Variants in LRP6 observed in about 807,000 individuals in gnomAD.
LRP6 encodes the protein LDL receptor related protein 6, also known as low-density lipoprotein receptor-related protein 6.
LRP6 carries 43 observed loss-of-function variants against 184.1 expected under a neutral mutation model. The ratio of observed to expected loss-of-function variants is 0.23; its 90% CI spans 0.18 to 0.30. The LOEUF is 0.30. LRP6 is among the 10% of genes least tolerant of loss of function. The probability of loss-of-function intolerance (pLI) is 1.00; values close to 1 mark genes in which losing one functional copy is unlikely to be tolerated. For missense variants in LRP6, 1,571 were observed against 2,005.3 expected (o/e 0.78, Z 4.14); for synonymous variants, 719 against 684.9 (o/e 1.05, Z -0.78).
intron 2 of LRP6, among the ~76,000 whole-genome samples, chr12:12,216,953 T>C (rs1864364807): frequency 6.6e-6 from 1 of 152,102 alleles, no homozygotes; most frequent in South Asian, 2.1e-4. Flanking sequence ...TTCTCTGCTT[T>C]TGGTTCCTCA....
chr12:12,197,270 T>C (rs1458481555), intron 3 of LRP6, among the ~76,000 whole-genome samples: 1 of 152,252 alleles, frequency 6.6e-6, no homozygotes, highest in East Asian at 1.9e-4. Context: ...CTAACTGTTA[T>C]GACAATGTTC....
intron 7 of LRP6, among the ~76,000 whole-genome samples, chr12:12,166,405 T>A (rs1007041790): frequency 2.0e-5 from 3 of 152,214 alleles, no homozygotes; most frequent in African/African-American, 7.2e-5. Flanking sequence ...GAGAGTTCAA[T>A]CATTCTATTA....
chr12:12,147,570 A>G lies in LRP6; in HGVS notation c.3207-14T>C, dbSNP rs1555106205. On this transcript the variant is annotated splice_polypyrimidine_tract_variant and intron_variant, in intron 14 of 22. Coordinates refer to ENST00000261349, the MANE Select transcript of LRP6 (RefSeq NM_002336.3). ...AAATACATATACCTAGAGGGAAAGG[A>G]GGAAAAAAATAAGTTACTGGAGTAA... 1 of 1,605,812 alleles carries G rather than the reference A, an allele frequency of 6.2e-7. No homozygotes were observed. The highest frequency in any genetic ancestry group is 1.1e-5 in the South Asian group (1 of 90,846).
intron 2 of LRP6, among the ~76,000 whole-genome samples, chr12:12,205,493 T>C (rs1169910915): frequency 6.6e-6 from 1 of 152,194 alleles, no homozygotes; most frequent in East Asian, 1.9e-4. Context: ...TGCATACTGA[T>C]GTCTCCACTA....
chr12:12,137,707 A>G (rs906509958), intron 16 of LRP6, among the ~76,000 whole-genome samples: 30 of 152,168 alleles, frequency 2.0e-4, no homozygotes, highest in African/African-American at 7.2e-4. Flanking sequence ...AGTATTCCCA[A>G]AGGAACTGAA....
At chr12:12,137,793 C>A (rs1949865548) in intron 16 of LRP6, among the ~76,000 whole-genome samples, 1 of 151,918 alleles carries the variant, frequency 6.6e-6, no homozygotes. Context: ...AAGACCCATG[C>A]CTTTCCCCCA....
At chr12:12,257,779 CAAA>C (rs1163180718) in intron 1 of LRP6, among the ~76,000 whole-genome samples, 87 of 35,324 alleles carry the variant, frequency 2.5e-3, no homozygotes, top group African/African-American at 9.3e-3. Flanking sequence ...CCTGTCTCTA[CAAA>C]AAAAAAAAAA....
In LRP6 at chr12:12,179,848, T is replaced by C. The variant is rs1442510744; in HGVS notation, c.1507A>G (p.Lys503Glu). The change falls in exon 7 of 23, where the codon AAA becomes GAA. Residue 503 changes from lysine (K) to glutamate (E), a missense_variant. Lys to Glu is a moderately conservative substitution (Grantham distance 56, BLOSUM62 1). Coordinates refer to ENST00000261349, the MANE Select transcript of LRP6 (RefSeq NM_002336.3). ...NGLALDYDEG[K>E]IYWGDAKTDK... Reference sequence around the variant, plus strand: ...GTTTTGGCATCTCCCCAGTATATTTTGCCTTCATCATAATCCAAGGCTAAA... The same window carrying C: ...GTTTTGGCATCTCCCCAGTATATTTCGCCTTCATCATAATCCAAGGCTAAA... The C allele has an allele frequency of 1.2e-6, 2 of 1,613,822 alleles. No individual in the cohort carries two copies. The highest frequency in any genetic ancestry group is 1.3e-5 in the African/African-American group (1 of 74,908).
At chr12:12,130,720 A>G (rs1455362582) in intron 19 of LRP6, 63 bp downstream of exon 19, 15 of 998,008 alleles carry the variant, frequency 1.5e-5, no homozygotes, top group Middle Eastern at 2.0e-4. Context: ...AACCTCACAC[A>G]TAAGAAAAAA....
At chr12:12,228,883 C>T (rs1864700731) in intron 2 of LRP6, among the ~76,000 whole-genome samples, 1 of 152,094 alleles carries the variant, frequency 6.6e-6, no homozygotes, top group Non-Finnish European at 1.5e-5. Context: ...TGGCAATAGG[C>T]CCCAGCGAGC....
chr12:12,132,196 T>A (rs942791176), intron 17 of LRP6, 139 bp from the exon 18 acceptor site: 22 of 694,598 alleles, frequency 3.2e-5, no homozygotes, highest in Non-Finnish European at 5.0e-5. Flanking sequence ...TATAACTATC[T>A]CATCTATTCA....
intron 7 of LRP6, among the ~76,000 whole-genome samples, chr12:12,167,071 C>A (rs1313946047): frequency 1.3e-5 from 2 of 152,014 alleles, no homozygotes; most frequent in Non-Finnish European, 2.9e-5. Context: ...TGTACTCCAG[C>A]CTAAGTAACT....
chr12:12,181,960 T>C (rs956460342), intron 5 of LRP6, among the ~76,000 whole-genome samples: 1 of 152,334 alleles, frequency 6.6e-6, no homozygotes, highest in Non-Finnish European at 1.5e-5. Flanking sequence ...TTATATGCTA[T>C]GTAAGTTACA....
At chr12:12,243,671 G>T (rs962525414) in intron 2 of LRP6, among the ~76,000 whole-genome samples, 2 of 152,142 alleles carry the variant, frequency 1.3e-5, no homozygotes, top group Non-Finnish European at 2.9e-5. Flanking sequence ...CAGCACTTGG[G>T]GAGGCCAAGG....
chr12:12,259,685 T>C (rs957627514), intron 1 of LRP6, among the ~76,000 whole-genome samples: 1 of 152,244 alleles, frequency 6.6e-6, no homozygotes, highest in Non-Finnish European at 1.5e-5. Context: ...CTTGCATTTA[T>C]GTACTGACAA....
chr12:12,130,891 G>T lies in LRP6; in HGVS notation c.3973C>A (p.Leu1325Ile), dbSNP rs1484815389. Residue 1325 changes from leucine to isoleucine, a missense_variant and splice_region_variant, in exon 19 of 23, where the codon CTT becomes ATT. Transcript: ENST00000261349. ...CAGCGGAACTGATCAATTAAACAAA[G>T]CACTGGAAAAAAAACATAAATAGTT... is the stretch of plus-strand genomic sequence containing the variant. ...DKSDEKNCEV[L>I]CLIDQFRCAN... The T allele has an allele frequency of 6.4e-7, 1 of 1,556,782 alleles. No homozygotes were observed.
At position 12,135,313 on chromosome 12, in the gene LRP6, G is replaced by C; in HGVS notation, c.3608-13C>G. On this transcript the variant is annotated splice_polypyrimidine_tract_variant and intron_variant, in intron 16 of 22. Coordinates refer to ENST00000261349, the MANE Select transcript of LRP6 (RefSeq NM_002336.3). ...CAAGGGTGCTGTCCTGCAAAGAGAAGAGGTGAGGATGGGGAGAGGAGGGGG... is the reference window on the plus strand; with the variant it reads ...CAAGGGTGCTGTCCTGCAAAGAGAACAGGTGAGGATGGGGAGAGGAGGGGG... 2 of 1,610,828 alleles carry C rather than the reference G, an allele frequency of 1.2e-6. No individual in the cohort carries two copies.
chr12:12,266,991 T>C lies in LRP6; in HGVS notation c.-256A>G. 1 of 519,954 alleles carries C rather than the reference T, an allele frequency of 1.9e-6. No homozygotes were observed. Among genetic ancestry groups the C allele is most frequent in the Non-Finnish European group, 3.4e-6 (1 of 297,680 alleles). The allele number at this position is 519,954 out of a possible 1,614,324, so 32.2% of individuals were successfully genotyped here. A position where few individuals can be genotyped will look rare whatever the true frequency, so the allele number is the denominator to read the frequency against. ...CCGCCTCCTCCCCCGGCGCCCCGCT[T>C]CCCCCGCGCAGCTCCTCATTCAGCC... On this transcript the variant is annotated 5_prime_UTR_variant, in exon 1 of 23. Transcript: ENST00000261349.
intron 12 of LRP6, among the ~76,000 whole-genome samples, chr12:12,157,706 T>G (rs1222156941): frequency 6.6e-6 from 1 of 152,198 alleles, no homozygotes; most frequent in Non-Finnish European, 1.5e-5. Context: ...CAATAGTTAA[T>G]TACCTCTAAT....
Sources: allele counts gnomAD v4.1 joint callset (sites outside exome capture counted in the v4.1 genomes callset), GRCh38; gene constraint gnomAD v4.1.1; transcripts MANE v1.5; gene names NCBI Gene and HGNC (gene_info 2026-07-23, HGNC 2026-07-21).